PCLO: variants seen among roughly 807,000 people sequenced by gnomAD.
The protein encoded by PCLO is piccolo presynaptic cytomatrix protein.
PCLO carries 82 observed loss-of-function variants against 427.5 expected under a neutral mutation model. The observed-to-expected ratio is 0.19, with a 90% confidence interval of 0.16 to 0.23. The LOEUF is 0.23. PCLO is among the 10% of genes least tolerant of loss of function. The probability of loss-of-function intolerance (pLI) is 1.00; values close to 1 mark genes in which losing one functional copy is unlikely to be tolerated. For synonymous variants in PCLO, 2,357 were observed against 2,155.4 expected, an observed-to-expected ratio of 1.09 and a Z score of -2.59; for missense variants, 6,239 against 6,115.9, an observed-to-expected ratio of 1.02 and a Z score of -0.67.
intron 22 of PCLO, among the ~76,000 whole-genome samples, chr7:82,768,454 T>G (rs1052984439): frequency 6.6e-6 from 1 of 151,884 alleles, no homozygotes; most frequent in African/African-American, 2.4e-5. Context: ...AAATGTATAA[T>G]TATTCAACCT....
At chr7:83,041,492 G>C (rs561577956) in intron 3 of PCLO, among the ~76,000 whole-genome samples, 1 of 152,086 alleles carries the variant, frequency 6.6e-6, no homozygotes, top group Non-Finnish European at 1.5e-5. Context: ...GGGAGAAAAA[G>C]CTTGGTTAAT....
intron 6 of PCLO, among the ~76,000 whole-genome samples, chr7:82,940,703 A>G (rs1795062028): frequency 6.6e-6 from 1 of 151,740 alleles, no homozygotes; most frequent in South Asian, 2.1e-4. Context: ...TTTTTAGCCA[A>G]AAATATACTG....
Position 82,916,759 on chromosome 7 carries a change from T to C in PCLO, c.11227A>G (p.Met3743Val), listed in dbSNP as rs765953454. The C allele has an allele frequency of 7.4e-6, 12 of 1,613,656 alleles. No homozygotes were observed. Among genetic ancestry groups the C allele is most frequent in the Non-Finnish European group, 1.0e-5 (12 of 1,179,706 alleles). ...ATCCTTCTCCTGGAAACTGTGCCCATTGTGCTGAATGTGGATTGAGTTCCT... is the reference window on the plus strand; with the variant it reads ...ATCCTTCTCCTGGAAACTGTGCCCACTGTGCTGAATGTGGATTGAGTTCCT... ...STGTQSTFST[M>V]GTVSRRRICR... The change falls in exon 7 of 25, where the codon ATG (methionine) becomes GTG (valine). Residue 3743 changes from methionine to valine, a missense_variant. This residue lies in a region of PCLO where 4,677 missense variants were observed against 4,468.4 expected (regional missense o/e 1.05). Coordinates refer to ENST00000333891, the MANE Select transcript of PCLO (RefSeq NM_033026.6).
intron 6 of PCLO, among the ~76,000 whole-genome samples, chr7:82,917,143 T>C (rs942316943): frequency 2.6e-5 from 4 of 152,074 alleles, no homozygotes; most frequent in African/African-American, 4.8e-5. Flanking sequence ...CATAAGATTA[T>C]TTACTGAATC....
At chr7:83,050,223 A>C (rs1347177582) in intron 3 of PCLO, among the ~76,000 whole-genome samples, 4 of 121,470 alleles carry the variant, frequency 3.3e-5, no homozygotes, top group African/African-American at 9.6e-5. Context: ...AAAAAAAAAA[A>C]AAAAAAAAAA....
At chr7:83,057,917 T>G (rs1331432465) in intron 3 of PCLO, among the ~76,000 whole-genome samples, 1 of 152,178 alleles carries the variant, frequency 6.6e-6, no homozygotes, top group Non-Finnish European at 1.5e-5. Context: ...AATAACAATA[T>G]ATATCAGAAA....
chr7:82,950,214 C>T lies in PCLO; in HGVS notation c.10374G>A (p.Val3458=). ...TCTTTTTAGTTCTCCTTCTCCTACT[C>T]ACATAGCTCCGATCTGTGGCATCTT... is the stretch of plus-strand genomic sequence containing the variant. The part of the protein sequence containing the change: ...DDEDATDRSY[V]SRRRRTKKSV... The change falls in exon 6 of 25, where the codon GTG becomes GTA. Residue 3458 remains valine (V), a synonymous_variant. Transcript: ENST00000333891. 1 of 1,612,534 alleles carries T rather than the reference C, an allele frequency of 6.2e-7. No homozygotes were observed. Among genetic ancestry groups the T allele is most frequent in the Non-Finnish European group, 8.5e-7 (1 of 1,179,714 alleles).
chr7:82,900,655 TCAAACAATTAAATG>T (rs967324477), intron 9 of PCLO, among the ~76,000 whole-genome samples: 3 of 151,244 alleles, frequency 2.0e-5, no homozygotes, highest in Non-Finnish European at 4.4e-5. Context: ...GATATAGGAG[TCAAACAATTAAATG>T]CAATGTGGGA....
chr7:83,118,862 A>G (rs1056306789), intron 3 of PCLO, among the ~76,000 whole-genome samples: 2 of 152,146 alleles, frequency 1.3e-5, no homozygotes, highest in Admixed American at 1.3e-4. Context: ...CATTCTAGCC[A>G]ATGAGACACC....
chr7:82,991,898 T>G (rs1175729039), intron 3 of PCLO, among the ~76,000 whole-genome samples: 1 of 152,136 alleles, frequency 6.6e-6, no homozygotes, highest in Non-Finnish European at 1.5e-5. Flanking sequence ...TACTTTAAAC[T>G]ATTTTATGGC....
rs770617860 is a variant in PCLO, at chr7:82,954,121, C to A, written c.6832G>T (p.Val2278Leu). The A allele has an allele frequency of 6.2e-7, 1 of 1,613,854 alleles. No homozygotes were observed. Among genetic ancestry groups the A allele is most frequent in the Non-Finnish European group, 8.5e-7 (1 of 1,179,844 alleles). The part of the protein sequence containing the change: ...DMASSIIESV[V>L]PKPEGPVADT... ...GCAACTGGCCCTTCAGGTTTAGGTACTACAGATTCTATGATAGAAGATGCC... is the reference window on the plus strand; with the variant it reads ...GCAACTGGCCCTTCAGGTTTAGGTAATACAGATTCTATGATAGAAGATGCC... The change falls in exon 5 of 25, where the codon GTA (valine) becomes TTA (leucine). Residue 2278 changes from valine (V) to leucine (L), a missense_variant. Transcript: ENST00000333891.
At chr7:82,783,512 C>G (rs1254321988) in intron 22 of PCLO, among the ~76,000 whole-genome samples, 2 of 152,136 alleles carry the variant, frequency 1.3e-5, no homozygotes, top group Non-Finnish European at 1.5e-5. Flanking sequence ...GTGCCAGCTA[C>G]TCAGGAGGCT....
chr7:82,858,644 A>C (rs34502269), intron 10 of PCLO, among the ~76,000 whole-genome samples: 1 of 151,966 alleles, frequency 6.6e-6, no homozygotes, highest in African/African-American at 2.4e-5. Context: ...AGCCTATACT[A>C]TACTCAGCTT....
chr7:83,047,581 C>A (rs1363803618), intron 3 of PCLO, among the ~76,000 whole-genome samples: 2 of 151,938 alleles, frequency 1.3e-5, no homozygotes, highest in Non-Finnish European at 2.9e-5. Context: ...AAAGAACCCA[C>A]AATATGTATA....
rs1562883930 is a variant in PCLO, at chr7:82,956,699, A to G, written c.4254T>C (p.Ser1418=). Residue 1418 remains serine (S), a synonymous_variant, in exon 5 of 25, where the codon TCT becomes TCC. Transcript: ENST00000333891. ...GTGTACTTGCTTGAGCTTCCAAAATAGATAGGACTGTACTTTCTAACTTAG... is the reference window on the plus strand; with the variant it reads ...GTGTACTTGCTTGAGCTTCCAAAATGGATAGGACTGTACTTTCTAACTTAG... ...DLAKLESTVL[S]ILEAQASTLA... The G allele has an allele frequency of 6.2e-7, 1 of 1,613,794 alleles. No homozygotes were observed. The highest frequency in any genetic ancestry group is 8.5e-7 in the Non-Finnish European group (1 of 1,179,774).
chr7:83,050,351 A>T (rs1004451934), intron 3 of PCLO, among the ~76,000 whole-genome samples: 3 of 151,052 alleles, frequency 2.0e-5, no homozygotes, highest in African/African-American at 7.3e-5. Context: ...TAAAACACTC[A>T]GCAATGTAAG....
In PCLO at chr7:82,908,959, C is replaced by T. The variant is rs753721227; in HGVS notation, c.13355G>A (p.Arg4452His). ...TDWFDKPRESRLENGHGLDRK... is the reference protein window; with the variant it reads ...TDWFDKPRESHLENGHGLDRK... ...GTCCAGACCATGTCCATTTTCCAAA[C>T]GAGACTCCCTGGGTTTATCAAACCA... Residue 4452 changes from arginine (R) to histidine (H), a missense_variant, in exon 8 of 25, where the codon CGT becomes CAT. Transcript: ENST00000333891. The T allele has an allele frequency of 2.1e-5, 34 of 1,612,922 alleles. No individual in the cohort carries two copies. The South Asian group carries it at 3.0e-4, about 14-fold the overall frequency.
intron 9 of PCLO, among the ~76,000 whole-genome samples, chr7:82,902,174 G>C (rs551010571): frequency 0.037 from 5,616 of 150,704 alleles, 339 homozygotes; most frequent in African/African-American, 0.13. Context: ...TTGGAACCAA[G>C]CCAAATGTCC....
chr7:82,803,808 TA>T (rs1791407100), intron 21 of PCLO, among the ~76,000 whole-genome samples: 1 of 152,170 alleles, frequency 6.6e-6, no homozygotes, highest in African/African-American at 2.4e-5. Context: ...ACATATCCTA[TA>T]ATGGTTTTCA....
Sources: gnomAD v4.1 joint callset for allele counts (sites outside exome capture counted in the v4.1 genomes callset) on GRCh38, gnomAD v4.1.1 for gene constraint, gnomAD v4.1.1 regional missense constraint, MANE v1.5 for transcripts, NCBI Gene and HGNC (gene_info 2026-07-23, HGNC 2026-07-21) for gene names.